EXT1: variants seen among roughly 807,000 people sequenced by gnomAD.
The protein encoded by EXT1 is exostosin glycosyltransferase 1, also known as exostosin-1.
EXT1 carries 20 observed loss-of-function variants against 82.5 expected under a neutral mutation model. The ratio of observed to expected loss-of-function variants is 0.24; its 90% confidence interval spans 0.17 to 0.35. EXT1 has a LOEUF of 0.35. EXT1 is among the 10% of genes least tolerant of loss of function. EXT1 has a pLI of 1.00. For synonymous variants in EXT1, 348 were observed against 350.8 expected (o/e 0.99, Z 0.09); for missense variants, 757 against 936.5 (o/e 0.81, Z 2.50).
chr8:117,794,527 T>C lies in EXT1; in HGVS notation c.*5185A>G, dbSNP rs1346603881. On this transcript the variant is annotated 3_prime_UTR_variant, in exon 11 of 11. Coordinates refer to ENST00000378204, the MANE Select transcript of EXT1 (RefSeq NM_000127.3). ...TCATTTATTAATAATTTCTTTTTTT[T>C]TTCTTCTATAAATTGGAAGGAAAAA... The C allele has an allele frequency of 3.3e-5, 5 of 152,252 alleles. No homozygotes were observed. Among genetic ancestry groups the C allele is most frequent in the African/African-American group, 9.6e-5 (4 of 41,462 alleles). 9.4% of individuals were successfully genotyped at this position (152,252 alleles called of 1,614,324 possible).
intron 1 of EXT1, among the ~76,000 whole-genome samples, chr8:117,946,613 G>A (rs749526230): frequency 2.0e-5 from 3 of 151,564 alleles, no homozygotes; most frequent in South Asian, 2.1e-4. Flanking sequence ...AGACAAAAGC[G>A]TCATCCACAA....
At chr8:117,916,723 G>A (rs1391658588) in intron 1 of EXT1, among the ~76,000 whole-genome samples, 3 of 152,036 alleles carry the variant, frequency 2.0e-5, no homozygotes, top group African/African-American at 7.2e-5. Context: ...GACTAGTCTG[G>A]CCAACATGGT....
chr8:117,980,707 T>TTTG (rs1815177662), intron 1 of EXT1, among the ~76,000 whole-genome samples: 1 of 42,138 alleles, frequency 2.4e-5, no homozygotes, highest in Non-Finnish European at 4.7e-5. Flanking sequence ...GGTTTTTTTT[T>TTTG]TTTTTTTTTT....
chr8:117,864,263 T>TA lies in EXT1; in HGVS notation c.963-27063dup, dbSNP rs373201120. Among the ~76,000 whole-genome samples, 117 of 152,342 alleles carry TA rather than the reference T, an allele frequency of 7.7e-4. 1 individual carries two copies. The highest frequency in any genetic ancestry group is 2.7e-3 in the African/African-American group (112 of 41,576). On this transcript the variant is annotated intron_variant, in intron 1 of 10. Coordinates refer to ENST00000378204, the MANE Select transcript of EXT1 (RefSeq NM_000127.3). ...AGGTTTACACACTTTTCTTTCTCCC[T>TA]AAATTAAAAGTATCCTTGACCTTAT... is the stretch of plus-strand genomic sequence containing the variant.
chr8:117,838,425 T>G lies in EXT1; in HGVS notation c.963-1224A>C, dbSNP rs548173731. 3.9e-5 allele frequency among the ~76,000 whole-genome samples: 6 copies of G among 152,290 alleles called. No homozygotes were observed. In the East Asian group the frequency reaches 9.6e-4, roughly 24 times the overall value. On this transcript the variant is annotated intron_variant, in intron 1 of 10. Transcript: ENST00000378204. ...CATACGGGAGTAAGCCAATTTTCAA[T>G]TATAAACCCGCCATTAAGAAGAGAC...
intron 1 of EXT1, among the ~76,000 whole-genome samples, chr8:117,991,567 ATTTTT>A (rs904810625): frequency 1.1e-4 from 17 of 151,078 alleles, no homozygotes; most frequent in Non-Finnish European, 2.5e-4. Flanking sequence ...TTTTTATTTT[ATTTTT>A]ATTTTTTGAG....
At chr8:117,846,095 G>A (rs963327156) in intron 1 of EXT1, among the ~76,000 whole-genome samples, 5 of 152,096 alleles carry the variant, frequency 3.3e-5, no homozygotes, top group African/African-American at 1.2e-4. Context: ...AGGTTTTGCA[G>A]CACCAGCTTT....
chr8:117,914,365 T>C (rs1813707171), intron 1 of EXT1, among the ~76,000 whole-genome samples: 1 of 152,212 alleles, frequency 6.6e-6, no homozygotes. Flanking sequence ...AAATTGATTG[T>C]AAAACGTGTG....
rs576378815 is a variant in EXT1, at chr8:117,798,184, T to C, written c.*1528A>G. On this transcript the variant is annotated 3_prime_UTR_variant, in exon 11 of 11. Coordinates refer to ENST00000378204, the MANE Select transcript of EXT1 (RefSeq NM_000127.3). The stretch of plus-strand genomic sequence containing the variant: ...AAATTATCAGAACAAAATTCTCTGA[T>C]GAACTTTTCTTCTAAAACAAAACTG... The C allele has an allele frequency of 6.6e-6, 1 of 152,344 alleles. No individual in the cohort carries two copies. The highest frequency in any genetic ancestry group is 1.5e-5 in the Non-Finnish European group (1 of 68,032). The allele number at this position is 152,344 out of a possible 1,614,324, so 9.4% of individuals were successfully genotyped here.
intron 4 of EXT1, among the ~76,000 whole-genome samples, chr8:117,827,784 C>CAAAAAAAAAAAAAAAAAAAAAA (rs768731740): frequency 3.7e-5 from 2 of 54,140 alleles, no homozygotes; most frequent in African/African-American, 1.6e-4. Context: ...GACTCTGTCT[C>CAAAAAAAAAAAAAAAAAAAAAA]AAAAAAAAAA....
chr8:117,957,328 T>C (rs1490377691), intron 1 of EXT1, among the ~76,000 whole-genome samples: 1 of 152,262 alleles, frequency 6.6e-6, no homozygotes, highest in African/African-American at 2.4e-5. Context: ...TTGCAAACTA[T>C]GCAACCAGCG....
chr8:117,809,294 T>A (rs1277357589), intron 8 of EXT1, among the ~76,000 whole-genome samples: 1 of 146,846 alleles, frequency 6.8e-6, no homozygotes, highest in Non-Finnish European at 1.5e-5. Flanking sequence ...CACTGCCCTA[T>A]CTTAAGATAA....
intron 1 of EXT1, among the ~76,000 whole-genome samples, chr8:117,841,455 T>G (rs1812272724): frequency 6.6e-6 from 1 of 152,176 alleles, no homozygotes; most frequent in African/African-American, 2.4e-5. Context: ...CACAGTGTTT[T>G]AAGATGGACT....
At chr8:118,076,841 A>G (rs1870100) in intron 1 of EXT1, among the ~76,000 whole-genome samples, 2 of 152,130 alleles carry the variant, frequency 1.3e-5, no homozygotes, top group Non-Finnish European at 2.9e-5. Context: ...TTGATTTCAT[A>G]TAGATAGAAA....
intron 1 of EXT1, among the ~76,000 whole-genome samples, chr8:118,007,130 T>C (rs1472080751): frequency 6.6e-6 from 1 of 152,080 alleles, no homozygotes; most frequent in Non-Finnish European, 1.5e-5. Context: ...ACCCCGTTTC[T>C]ACTAAAAATA....
rs1338171396 is a variant in EXT1 at position 117,794,683 on chromosome 8, C to G, written c.*5029G>C. The G allele has an allele frequency of 6.6e-6, 1 of 152,106 alleles. No homozygotes were observed. The allele number at this position is 152,106 out of a possible 1,614,324, so 9.4% of individuals were successfully genotyped here. A position where few individuals can be genotyped will look rare whatever the true frequency, so the allele number is the denominator to read the frequency against. On this transcript the variant is annotated 3_prime_UTR_variant, in exon 11 of 11. Coordinates refer to ENST00000378204, the MANE Select transcript of EXT1 (RefSeq NM_000127.3). Reference sequence around the variant, plus strand: ...TCTCACACGCGCTCTCTCACACATACTTGAGGGCTTAATTACGCTAAGTCA... The same window carrying G: ...TCTCACACGCGCTCTCTCACACATAGTTGAGGGCTTAATTACGCTAAGTCA...
intron 1 of EXT1, among the ~76,000 whole-genome samples, chr8:118,079,311 A>G (rs1817267082): frequency 6.6e-6 from 1 of 152,230 alleles, no homozygotes; most frequent in Admixed American, 6.5e-5. Flanking sequence ...CATGTCCACA[A>G]GTTGGAGGCT....
intron 1 of EXT1, among the ~76,000 whole-genome samples, chr8:117,993,338 A>G (rs543428748): frequency 7.9e-5 from 12 of 152,360 alleles, no homozygotes; most frequent in African/African-American, 2.4e-4. Flanking sequence ...TTCTCCAACT[A>G]TAAGAACTAA....
intron 1 of EXT1, among the ~76,000 whole-genome samples, chr8:118,094,127 C>T (rs1011973418): frequency 2.0e-5 from 3 of 152,306 alleles, no homozygotes; most frequent in East Asian, 3.9e-4. Flanking sequence ...ATTTGCTACC[C>T]GTTTTAATGT....
Sources: gnomAD v4.1 joint callset for allele counts (sites outside exome capture counted in the v4.1 genomes callset) on GRCh38, gnomAD v4.1.1 for gene constraint, MANE v1.5 for transcripts, NCBI Gene and HGNC (gene_info 2026-07-23, HGNC 2026-07-21) for gene names.